ACER3: variants seen among roughly 807,000 people sequenced by gnomAD.
The protein encoded by ACER3 is alkCDase 3.
ACER3 carries 16 observed loss-of-function variants against 48.9 expected under a neutral mutation model. The observed-to-expected ratio is 0.33, with a 90% CI of 0.22 to 0.50. ACER3 has a LOEUF of 0.50. Among genes scored for constraint, ACER3 ranks in the 20% least tolerant of loss-of-function variants. ACER3 has a pLI of 0.98. For missense variants in ACER3, 227 were observed against 326.0 expected (o/e 0.70, Z 2.34); for synonymous variants, 109 against 107.8 (o/e 1.01, Z -0.07).
At chr11:77,020,051 C>T (rs961973545) in intron 10 of ACER3, among the ~76,000 whole-genome samples, 1 of 152,156 alleles carries the variant, frequency 6.6e-6, no homozygotes, top group African/African-American at 2.4e-5. Flanking sequence ...CCATGCTTGA[C>T]AAAGTCAAAG....
At chr11:76,938,659 A>G (rs1947258010) in intron 2 of ACER3, among the ~76,000 whole-genome samples, 8 of 152,162 alleles carry the variant, frequency 5.3e-5, no homozygotes, top group Admixed American at 5.2e-4. Flanking sequence ...TAGGATTCTC[A>G]CTGTGGAAGA....
intron 5 of ACER3, 104 bp from the exon 6 acceptor site, chr11:76,990,435 T>A (rs1245759351): frequency 2.4e-6 from 2 of 830,772 alleles, no homozygotes; most frequent in Non-Finnish European, 4.2e-6. Flanking sequence ...CTGAGTAAGA[T>A]GGGGGAAGCA....
At chr11:76,919,037 T>C (rs1946614624) in intron 1 of ACER3, among the ~76,000 whole-genome samples, 1 of 152,226 alleles carries the variant, frequency 6.6e-6, no homozygotes, top group Non-Finnish European at 1.5e-5. Context: ...GTTACAGCTT[T>C]CATCAAGCTA....
intron 1 of ACER3, among the ~76,000 whole-genome samples, chr11:76,868,674 C>G (rs1318281815): frequency 1.3e-5 from 2 of 152,122 alleles, no homozygotes; most frequent in Non-Finnish European, 2.9e-5. Context: ...CAGAGAGAAG[C>G]CAAGAGGAAT....
At chr11:76,915,152 C>T (rs1446277042) in intron 1 of ACER3, among the ~76,000 whole-genome samples, 9 of 150,934 alleles carry the variant, frequency 6.0e-5, no homozygotes, top group Non-Finnish European at 7.4e-5. Context: ...CAAACCTGCA[C>T]GTTGTGCACA....
intron 7 of ACER3, among the ~76,000 whole-genome samples, chr11:77,013,352 A>C (rs1342793732): frequency 6.6e-6 from 1 of 152,208 alleles, no homozygotes; most frequent in African/African-American, 2.4e-5. Flanking sequence ...CTACTTGCAA[A>C]ATATATATCC....
At chr11:76,985,500 G>T (rs1303017127) in intron 4 of ACER3, 143 bp from the exon 5 acceptor site, 3 of 554,074 alleles carry the variant, frequency 5.4e-6, no homozygotes, top group African/African-American at 4.0e-5. Flanking sequence ...AGGATAATAG[G>T]CAGTGCAGGT....
chr11:76,998,098 T>C (rs1451312839), intron 6 of ACER3, among the ~76,000 whole-genome samples: 1 of 152,234 alleles, frequency 6.6e-6, no homozygotes, highest in Non-Finnish European at 1.5e-5. Flanking sequence ...TGGGTGGTGC[T>C]TTCTCAACTA....
chr11:76,888,023 G>C (rs1945715228), intron 1 of ACER3, among the ~76,000 whole-genome samples: 1 of 151,854 alleles, frequency 6.6e-6, no homozygotes, highest in South Asian at 2.1e-4. Context: ...TTGCCATGTT[G>C]CCCAGGCCGG....
intron 8 of ACER3, among the ~76,000 whole-genome samples, chr11:77,016,384 A>G (rs797035918): frequency 3.3e-4 from 51 of 152,332 alleles, no homozygotes; most frequent in African/African-American, 1.2e-3. Flanking sequence ...TTAGAAATAC[A>G]TACTAAATAT....
intron 1 of ACER3, among the ~76,000 whole-genome samples, chr11:76,880,992 A>G (rs868145342): frequency 6.6e-6 from 1 of 152,070 alleles, no homozygotes; most frequent in African/African-American, 2.4e-5. Flanking sequence ...ATGGTGGCTC[A>G]CACCTATAAT....
At chr11:77,014,618 C>T (rs1455437321) in intron 7 of ACER3, among the ~76,000 whole-genome samples, 3 of 152,214 alleles carry the variant, frequency 2.0e-5, no homozygotes, top group Non-Finnish European at 2.9e-5. Flanking sequence ...TTATCAGGTA[C>T]TTTCCCAATA....
intron 2 of ACER3, among the ~76,000 whole-genome samples, chr11:76,937,113 T>C (rs539929812): frequency 2.1e-4 from 32 of 152,216 alleles, no homozygotes; most frequent in Middle Eastern, 6.8e-3. Flanking sequence ...AAAAAATAGC[T>C]CACAAGTATA....
At chr11:76,878,622 A>G (rs1945446547) in intron 1 of ACER3, among the ~76,000 whole-genome samples, 1 of 152,084 alleles carries the variant, frequency 6.6e-6, no homozygotes, top group South Asian at 2.1e-4. Flanking sequence ...GCTATTATGC[A>G]TGAAGTTGAA....
chr11:76,971,953 C>T (rs371804935), intron 3 of ACER3, among the ~76,000 whole-genome samples: 7 of 152,186 alleles, frequency 4.6e-5, no homozygotes, highest in African/African-American at 1.7e-4. Context: ...CTGTTGTTTA[C>T]TTGACTTTAT....
chr11:77,017,692 A>G (rs574737781), intron 9 of ACER3, among the ~76,000 whole-genome samples: 9 of 152,286 alleles, frequency 5.9e-5, no homozygotes, highest in South Asian at 2.1e-4. Flanking sequence ...CAGACATGAA[A>G]CATCACACTT....
chr11:77,015,837 G>A (rs1949355391), intron 8 of ACER3, among the ~76,000 whole-genome samples: 1 of 152,188 alleles, frequency 6.6e-6, no homozygotes, highest in African/African-American at 2.4e-5. Flanking sequence ...GCCAGGCGTG[G>A]TGACTCATGC....
At chr11:76,894,148 A>G (rs1156552873) in intron 1 of ACER3, among the ~76,000 whole-genome samples, 2 of 152,074 alleles carry the variant, frequency 1.3e-5, no homozygotes, top group Admixed American at 6.6e-5. Context: ...GCGTGGTGGT[A>G]CACTCCTTTA....
At chr11:76,938,966 G>T in intron 2 of ACER3, among the ~76,000 whole-genome samples, 1 of 25,784 alleles carries the variant, frequency 3.9e-5, no homozygotes, top group East Asian at 8.5e-4. Flanking sequence ...AAGTAAGAAA[G>T]TGCTAAAAAA....
Sources: allele counts gnomAD v4.1 joint callset (sites outside exome capture counted in the v4.1 genomes callset), GRCh38; gene constraint gnomAD v4.1.1; transcripts MANE v1.5; gene names NCBI Gene and HGNC (gene_info 2026-07-23, HGNC 2026-07-21).